Variants in SMAP1 observed in about 807,000 individuals in gnomAD.
SMAP1 encodes the protein stromal membrane-associated protein 1.
In SMAP1, 24 loss-of-function variants were observed where a neutral mutation model predicts 58.5. The observed-to-expected ratio is 0.41, with a 90% CI of 0.30 to 0.58. SMAP1 has a LOEUF of 0.58. Ranked by LOEUF, SMAP1 falls within the 20% of genes least tolerant of loss-of-function variation. The pLI, the probability that SMAP1 is intolerant of heterozygous loss-of-function variation, is 0.29. For synonymous variants in SMAP1, 216 were observed against 196.6 expected, an observed-to-expected ratio of 1.10 and a Z score of -0.82; for missense variants, 563 against 566.3, an observed-to-expected ratio of 0.99 and a Z score of 0.06.
intron 1 of SMAP1, among the ~76,000 whole-genome samples, chr6:70,695,912 T>G (rs1767382947): frequency 6.6e-6 from 1 of 152,196 alleles, no homozygotes; most frequent in Non-Finnish European, 1.5e-5. Flanking sequence ...TCCTGGACTT[T>G]TCTTTGCTGG....
chr6:70,768,101 C>A (rs1194285683), intron 3 of SMAP1, among the ~76,000 whole-genome samples: 1 of 152,068 alleles, frequency 6.6e-6, no homozygotes, highest in Non-Finnish European at 1.5e-5. Context: ...GGGATGAAGC[C>A]CACTTGATCA....
chr6:70,723,725 T>TAGTAGA (rs2149850169), intron 1 of SMAP1, among the ~76,000 whole-genome samples: 1 of 152,360 alleles, frequency 6.6e-6, no homozygotes, highest in Non-Finnish European at 1.5e-5. Flanking sequence ...TGTGTTGATG[T>TAGTAGA]AGTAGACTCT....
At chr6:70,690,695 T>TAC (rs1330999697) in intron 1 of SMAP1, among the ~76,000 whole-genome samples, 1 of 138,824 alleles carries the variant, frequency 7.2e-6, no homozygotes, top group Non-Finnish European at 1.6e-5. Context: ...CTTTTATATA[T>TAC]ATATATATAT....
At position 70,809,098 on chromosome 6, in the gene SMAP1, C is replaced by T. The variant is rs77733980; in HGVS notation, c.576+10361C>T. On this transcript the variant is annotated intron_variant, in intron 6 of 10. Coordinates refer to ENST00000370455, the MANE Select transcript of SMAP1 (RefSeq NM_001044305.3). ...CAGATATTTGCCATTAGCTTCTTGA[C>T]GTTTTTAAGAGAAAATCAATTCACA... is the stretch of plus-strand genomic sequence containing the variant. Among the ~76,000 whole-genome samples, 811 of 152,024 alleles carry T rather than the reference C, an allele frequency of 5.3e-3. 7 individuals are homozygous for T. The highest frequency in any genetic ancestry group is 0.018 in the African/African-American group (749 of 41,450).
intron 6 of SMAP1, among the ~76,000 whole-genome samples, chr6:70,831,315 T>A (rs1319960179): frequency 6.6e-6 from 1 of 152,120 alleles, no homozygotes; most frequent in Admixed American, 6.6e-5. Context: ...AGGTTTTAGT[T>A]ATGTAGGTAA....
chr6:70,725,594 T>G (rs564509368), intron 1 of SMAP1, among the ~76,000 whole-genome samples: 3 of 152,160 alleles, frequency 2.0e-5, no homozygotes, highest in African/African-American at 4.8e-5. Flanking sequence ...TTTTGACATA[T>G]GTAGTTTCTC....
intron 2 of SMAP1, among the ~76,000 whole-genome samples, chr6:70,736,241 T>C (rs958894635): frequency 6.6e-6 from 1 of 152,200 alleles, no homozygotes; most frequent in Admixed American, 6.5e-5. Flanking sequence ...AGAAATAAAG[T>C]TACTCACTGT....
chr6:70,675,235 A>G (rs1766434773), intron 1 of SMAP1, among the ~76,000 whole-genome samples: 1 of 125,536 alleles, frequency 8.0e-6, no homozygotes, highest in African/African-American at 3.0e-5. Flanking sequence ...ACCAGAGATG[A>G]TGTACTTCAC....
chr6:70,807,108 G>A (rs1381735323), intron 6 of SMAP1, among the ~76,000 whole-genome samples: 2 of 152,216 alleles, frequency 1.3e-5, no homozygotes, highest in South Asian at 2.1e-4. Context: ...ATGCTAACTA[G>A]GGAATTAATA....
chr6:70,690,591 G>A (rs1229539396), intron 1 of SMAP1, among the ~76,000 whole-genome samples: 1 of 151,636 alleles, frequency 6.6e-6, no homozygotes, highest in Non-Finnish European at 1.5e-5. Context: ...CAGGCCACCC[G>A]GCCGGTTTTT....
intron 6 of SMAP1, among the ~76,000 whole-genome samples, chr6:70,817,134 A>ATT (rs1276721136): frequency 2.7e-5 from 4 of 145,790 alleles, no homozygotes; most frequent in Admixed American, 2.7e-4. Context: ...ATATATATAT[A>ATT]TATATTTTTT....
intron 1 of SMAP1, among the ~76,000 whole-genome samples, chr6:70,708,022 TG>T (rs1458601071): frequency 1.3e-5 from 2 of 152,156 alleles, no homozygotes; most frequent in African/African-American, 4.8e-5. Context: ...GTAGTAACAC[TG>T]CAGTGTATAA....
chr6:70,795,188 TCTCC>T (rs1768550683), intron 5 of SMAP1, among the ~76,000 whole-genome samples: 1 of 152,178 alleles, frequency 6.6e-6, no homozygotes, highest in African/African-American at 2.4e-5. Context: ...CAAGTCATGC[TCTCC>T]CTCTAGTAAA....
At chr6:70,799,574 T>C (rs759755016) in intron 6 of SMAP1, among the ~76,000 whole-genome samples, 5 of 152,180 alleles carry the variant, frequency 3.3e-5, no homozygotes, top group Non-Finnish European at 5.9e-5. Context: ...ATTTTAGTTG[T>C]TGAAATTTTA....
In SMAP1 at chr6:70,681,943, G is replaced by A. The variant is rs112485206; in HGVS notation, c.118+13802G>A. On this transcript the variant is annotated intron_variant, in intron 1 of 10. Transcript: ENST00000370455. ...AGCAAGCAAGTTCTCTAAGAAGCAA[G>A]TGTGGCATATCTAGGCAATATATTA... 6.4e-4 allele frequency among the ~76,000 whole-genome samples: 97 copies of A among 152,198 alleles called. 1 individual carries two copies. Among genetic ancestry groups the A allele is most frequent in the Admixed American group, 7.8e-4 (12 of 15,294 alleles).
intron 1 of SMAP1, among the ~76,000 whole-genome samples, chr6:70,700,926 A>G (rs1044704921): frequency 1.4e-4 from 22 of 152,146 alleles, no homozygotes; most frequent in African/African-American, 5.1e-4. Flanking sequence ...TAGAATTGTC[A>G]TCGGGGAGCT....
chr6:70,670,750 A>C (rs138538002), intron 1 of SMAP1, among the ~76,000 whole-genome samples: 1 of 152,112 alleles, frequency 6.6e-6, no homozygotes, highest in Non-Finnish European at 1.5e-5. Context: ...TCTTCCACTG[A>C]TCTTTGAGAA....
At position 70,751,066 on chromosome 6, in the gene SMAP1, C is replaced by T. The variant is rs137873001; in HGVS notation, c.253-3914C>T. On this transcript the variant is annotated intron_variant, in intron 2 of 10. Coordinates refer to ENST00000370455, the MANE Select transcript of SMAP1 (RefSeq NM_001044305.3). ...ACCAGCCCGGCCAACATGGTGAAACCTCGTCTCTACTAAGAATATAAAACT... is the reference window on the plus strand; with the variant it reads ...ACCAGCCCGGCCAACATGGTGAAACTTCGTCTCTACTAAGAATATAAAACT... Among the ~76,000 whole-genome samples, 15 of 152,214 alleles carry T rather than the reference C, an allele frequency of 9.9e-5. No individual in the cohort carries two copies. The East Asian group carries it at 2.3e-3, about 24-fold the overall frequency.
chr6:70,745,997 T>C (rs1179867026), intron 2 of SMAP1, among the ~76,000 whole-genome samples: 2 of 152,230 alleles, frequency 1.3e-5, no homozygotes, highest in Non-Finnish European at 2.9e-5. Flanking sequence ...TGTATAAGAA[T>C]GCTTGTGATT....
Sources: allele counts gnomAD v4.1 joint callset (sites outside exome capture counted in the v4.1 genomes callset), GRCh38; gene constraint gnomAD v4.1.1; transcripts MANE v1.5; gene names NCBI Gene and HGNC (gene_info 2026-07-23, HGNC 2026-07-21).